Variants in GAS7 observed in about 807,000 individuals in gnomAD.
The protein encoded by GAS7 is growth arrest-specific protein 7.
Under a neutral mutation model 71.1 loss-of-function variants are expected in GAS7, and 28 were observed. That is an observed-to-expected ratio of 0.39 (90% CI 0.29 to 0.54). The LOEUF (loss-of-function observed/expected upper bound fraction) is 0.54, where lower values mean the gene tolerates loss of function less well. GAS7 is among the 20% of genes least tolerant of loss of function. GAS7 has a pLI of 0.62. For missense variants in GAS7, 436 were observed against 627.8 expected (o/e 0.69, Z 3.27); for synonymous variants, 258 against 245.8 (o/e 1.05, Z -0.46).
intron 1 of GAS7, among the ~76,000 whole-genome samples, chr17:10,188,130 C>T (rs939096619): frequency 2.0e-5 from 3 of 152,050 alleles, no homozygotes; most frequent in African/African-American, 7.2e-5. Context: ...GTAATCCCAG[C>T]TACTCGGGAG....
Position 10,093,512 on chromosome 17 carries a change from T to C in GAS7, c.184-73615A>G, listed in dbSNP as rs529377581. ...TGAACCCAGGAGGCAGAGGTTGCAG[T>C]GAGCCAAGATCAGCCTGGCAACAGA... is the stretch of plus-strand genomic sequence containing the variant. On this transcript the variant is annotated intron_variant, in intron 1 of 13. Coordinates refer to ENST00000432992, the MANE Select transcript of GAS7 (RefSeq NM_201433.2). 2.0e-3 allele frequency among the ~76,000 whole-genome samples: 254 copies of C among 127,436 alleles called. 1 individual carries two copies. The highest frequency in any genetic ancestry group is 7.2e-3 in the African/African-American group (233 of 32,312). The allele number at this position is 127,436 out of a possible 152,430, so 83.6% of individuals were successfully genotyped here.
intron 1 of GAS7, among the ~76,000 whole-genome samples, chr17:10,122,179 AC>A (rs1240844499): frequency 3.3e-5 from 5 of 152,194 alleles, no homozygotes; most frequent in African/African-American, 1.2e-4. Context: ...ATCTGTGCAC[AC>A]CGGTGGTACC....
chr17:9,950,761 C>T (rs912776075), intron 5 of GAS7, among the ~76,000 whole-genome samples: 10 of 151,770 alleles, frequency 6.6e-5, no homozygotes, highest in African/African-American at 2.4e-4. Flanking sequence ...GAGGCTGAGG[C>T]AGGAGAATTG....
chr17:10,130,330 A>T (rs76628128), intron 1 of GAS7, among the ~76,000 whole-genome samples: 1,382 of 61,722 alleles, frequency 0.022, 6 homozygotes, highest in African/African-American at 0.039. Context: ...GCTATGATTT[A>T]AAAAAAAAAA....
intron 1 of GAS7, among the ~76,000 whole-genome samples, chr17:10,031,986 T>C (rs932609701): frequency 4.0e-5 from 6 of 151,780 alleles, no homozygotes; most frequent in Non-Finnish European, 7.4e-5. Context: ...CCACAGGATC[T>C]GGGGTGGAGG....
At chr17:10,005,246 C>CGT (rs759953807) in intron 2 of GAS7, among the ~76,000 whole-genome samples, 1,347 of 104,244 alleles carry the variant, frequency 0.013, 36 homozygotes, top group East Asian at 0.084. Flanking sequence ...TGCGCGCATG[C>CGT]ATGTGTGTGC....
At chr17:10,099,651 T>G (rs891640451) in intron 1 of GAS7, among the ~76,000 whole-genome samples, 6 of 152,052 alleles carry the variant, frequency 3.9e-5, no homozygotes, top group African/African-American at 1.4e-4. Flanking sequence ...GATATAACAA[T>G]GCAAATGTGT....
rs2067729537 is a variant in GAS7, at chr17:9,919,801, CT to C, written c.1139-97del. 6 of 918,352 alleles carry C rather than the reference CT, an allele frequency of 6.5e-6. No homozygotes were observed. In the Admixed American group the frequency reaches 1.0e-4, roughly 16 times the overall value. 56.9% of individuals were successfully genotyped at this position (918,352 alleles called of 1,614,324 possible). ...CCCACAGCCAAGCCTTCTCCTCCCC[CT>C]GGGGTCATGGTGGCCGCTGGAAAGC... On this transcript the variant is annotated intron_variant, in intron 11 of 13. Coordinates refer to ENST00000432992, the MANE Select transcript of GAS7 (RefSeq NM_201433.2). This position sits in a 1 kb window ranked among gnomAD's most constrained non-coding sequence, Gnocchi z 5.0.
rs1423049400 is a variant in GAS7, at chr17:9,982,861, GAAAGAAAGC to G, written c.305-986_305-978del. Among the ~76,000 whole-genome samples the G allele has an allele frequency of 7.6e-5, 11 of 143,982 alleles. No homozygotes were observed. The East Asian group carries it at 8.0e-4, about 10-fold the overall frequency. 94.5% of individuals were successfully genotyped at this position (143,982 alleles called of 152,430 possible). On this transcript the variant is annotated intron_variant, in intron 2 of 13. Transcript: ENST00000432992. ...AGAAAGAAAGAAAGAAAGAAAGAAA[GAAAGAAAGC>G]AAAGAAAGCAAAGAAAGAGAGAAAA...
chr17:10,052,756 C>A (rs763709627), intron 1 of GAS7, among the ~76,000 whole-genome samples: 1 of 152,080 alleles, frequency 6.6e-6, no homozygotes, highest in Non-Finnish European at 1.5e-5. Context: ...GGGGAACCAC[C>A]TTGCTCTGTC....
At chr17:9,940,024 C>T in intron 8 of GAS7, 102 bp downstream of exon 8, 1 of 796,658 alleles carries the variant, frequency 1.3e-6, no homozygotes, top group Non-Finnish European at 2.3e-6. Flanking sequence ...GAGAGCTCCC[C>T]ATCCAAAGTG....
intron 2 of GAS7, among the ~76,000 whole-genome samples, chr17:10,002,937 G>T (rs2071328410): frequency 6.6e-6 from 1 of 152,164 alleles, no homozygotes; most frequent in Non-Finnish European, 1.5e-5. Flanking sequence ...GCAATAGGAT[G>T]GCTGGGTCAA....
chr17:10,019,361 C>T (rs2072170967), intron 2 of GAS7, among the ~76,000 whole-genome samples: 1 of 152,148 alleles, frequency 6.6e-6, no homozygotes, highest in Non-Finnish European at 1.5e-5. Flanking sequence ...ATTGAAGCTT[C>T]AAGATCATTA....
At chr17:10,154,941 CACACACACA>C (rs1324342759) in intron 1 of GAS7, among the ~76,000 whole-genome samples, 2 of 151,686 alleles carry the variant, frequency 1.3e-5, no homozygotes, top group East Asian at 3.9e-4. Context: ...CACACACACA[CACACACACA>C]CACACAAAAC....
intron 2 of GAS7, among the ~76,000 whole-genome samples, chr17:10,005,018 GCTCT>G (rs144960172): frequency 0.23 from 34,681 of 149,496 alleles, 6,510 homozygotes; most frequent in African/African-American, 0.52. Context: ...TCTCTCTCTC[GCTCT>G]CTCTCTCTAT....
At chr17:10,065,326 G>A (rs1199866860) in intron 1 of GAS7, among the ~76,000 whole-genome samples, 1 of 152,142 alleles carries the variant, frequency 6.6e-6, no homozygotes, top group Admixed American at 6.5e-5. Context: ...ATAACACTTG[G>A]TGTCTTAAAG....
chr17:9,973,036 T>TA (rs1363230181), intron 3 of GAS7, among the ~76,000 whole-genome samples: 7 of 151,992 alleles, frequency 4.6e-5, no homozygotes, highest in African/African-American at 1.7e-4. Flanking sequence ...GCCAATAACA[T>TA]ACGCCAAAAG....
chr17:10,019,099 T>C (rs969327437), intron 2 of GAS7, among the ~76,000 whole-genome samples: 2 of 152,080 alleles, frequency 1.3e-5, no homozygotes, highest in African/African-American at 2.4e-5. Context: ...TTATAAACCA[T>C]CCACAGCAAA....
chr17:9,931,351 TTGAGCAC>T (rs1404337618), intron 9 of GAS7, among the ~76,000 whole-genome samples: 1 of 152,194 alleles, frequency 6.6e-6, no homozygotes, highest in African/African-American at 2.4e-5. Flanking sequence ...TTGCCACCTG[TTGAGCAC>T]TCTAAACAAT....
Sources: gnomAD v4.1 joint callset for allele counts (sites outside exome capture counted in the v4.1 genomes callset) on GRCh38, gnomAD v4.1.1 for gene constraint, Gnocchi (gnomAD v3.1) non-coding constraint, MANE v1.5 for transcripts, NCBI Gene and HGNC (gene_info 2026-07-23, HGNC 2026-07-21) for gene names.